The following CDH15 variants were observed in gnomAD, a reference collection of about 807,000 sequenced individuals.
CDH15 encodes the protein cadherin-15.
A neutral mutation model predicts 69.4 loss-of-function variants in CDH15; 73 were observed. That is an observed-to-expected ratio of 1.05 (90% CI 0.87 to 1.28). CDH15 has a LOEUF of 1.28. Among genes scored for constraint, CDH15 ranks in the 50% most tolerant of loss-of-function variants. CDH15 has a pLI of 0.00. For synonymous variants in CDH15, 624 were observed against 507.7 expected, an observed-to-expected ratio of 1.23 and a Z score of -3.08; for missense variants, 1,343 against 1,133.6, an observed-to-expected ratio of 1.18 and a Z score of -2.65.
At position 89,186,791 on chromosome 16, in the gene CDH15, A is replaced by G. The variant is rs569272483; in HGVS notation, c.664-638A>G. Among the ~76,000 whole-genome samples, 8 of 146,032 alleles carry G rather than the reference A, an allele frequency of 5.5e-5. 1 individual carries two copies. The highest frequency in any genetic ancestry group is 2.1e-4 in the African/African-American group (8 of 38,834). On this transcript the variant is annotated intron_variant, in intron 5 of 13. Transcript: ENST00000289746. ...ACCCAGAGCACAGTAGGTGCTCTGT[A>G]AACGCTTACCCAGCGCACAGAAGGT...
At position 89,192,201 on chromosome 16, in the gene CDH15, G is replaced by T. The variant is rs1348864075; in HGVS notation, c.1616-4G>T. 2.6e-6 allele frequency: 4 copies of T among 1,528,926 alleles called. No homozygotes were observed. The African/African-American group carries it at 5.5e-5, about 21-fold the overall frequency. The allele number at this position is 1,528,926 out of a possible 1,614,324, so 94.7% of individuals were successfully genotyped here. ...CCCTCGCTCACCACAGGCGCCCTCC[G>T]CAGTGAGCCACGCGCGCCTGCGGCC... On this transcript the variant is annotated splice_polypyrimidine_tract_variant and splice_region_variant and intron_variant, in intron 10 of 13. Transcript: ENST00000289746.
At chr16:89,181,630 C>G (rs1419178523) in intron 3 of CDH15, among the ~76,000 whole-genome samples, 1 of 151,250 alleles carries the variant, frequency 6.6e-6, no homozygotes, top group African/African-American at 2.4e-5. Flanking sequence ...GAGGAAGACC[C>G]TCTCTCAAAA....
At chr16:89,189,374 G>GCT (rs1915588265) in intron 7 of CDH15, among the ~76,000 whole-genome samples, 1 of 138,548 alleles carries the variant, frequency 7.2e-6, no homozygotes, top group Non-Finnish European at 1.6e-5. Context: ...CACAGATGCT[G>GCT]GCGCACACAG....
At chr16:89,181,193 A>G (rs950609729) in intron 3 of CDH15, among the ~76,000 whole-genome samples, 2 of 152,086 alleles carry the variant, frequency 1.3e-5, no homozygotes, top group Non-Finnish European at 2.9e-5. Flanking sequence ...AAGTGCTAGG[A>G]TTACAGGCGT....
At chr16:89,176,500 C>T (rs1405204319) in intron 1 of CDH15, among the ~76,000 whole-genome samples, 1 of 152,208 alleles carries the variant, frequency 6.6e-6, no homozygotes, top group Non-Finnish European at 1.5e-5. Context: ...GGTGAGGCCT[C>T]CCACGCAGGG....
chr16:89,175,776 G>T (rs1372347010), intron 1 of CDH15, among the ~76,000 whole-genome samples: 1 of 152,202 alleles, frequency 6.6e-6, no homozygotes, highest in East Asian at 1.9e-4. Flanking sequence ...CCCCGGCAGG[G>T]TCCCCTGCCT....
rs746915420 is a variant in CDH15, at chr16:89,190,505, C to A, written c.1232+9C>A. The A allele has an allele frequency of 1.3e-6, 2 of 1,583,518 alleles. No individual in the cohort carries two copies. The highest frequency in any genetic ancestry group is 1.1e-5 in the South Asian group (1 of 87,016). On this transcript the variant is annotated intron_variant, in intron 8 of 13. Coordinates refer to ENST00000289746, the MANE Select transcript of CDH15 (RefSeq NM_004933.3). Reference sequence around the variant, plus strand: ...CAGCTGCAGAGGCTCAGGTGGGGCTCCTGAGGCCCTGGGAGAGGTAGAGGA... The same window carrying A: ...CAGCTGCAGAGGCTCAGGTGGGGCTACTGAGGCCCTGGGAGAGGTAGAGGA...
intron 3 of CDH15, 93 bp downstream of exon 3, chr16:89,180,448 G>A (rs569104731): frequency 7.3e-5 from 103 of 1,414,680 alleles, no homozygotes; most frequent in African/African-American, 4.8e-4. Context: ...CTCCCCGCTC[G>A]GTGGGCTTCA....
chr16:89,178,870 C>A (rs990317860), intron 1 of CDH15, among the ~76,000 whole-genome samples: 3 of 152,230 alleles, frequency 2.0e-5, no homozygotes, highest in Non-Finnish European at 4.4e-5. Flanking sequence ...CCGGACCCTC[C>A]ACAGCCAGCC....
chr16:89,176,254 G>A (rs1419461932), intron 1 of CDH15, among the ~76,000 whole-genome samples: 1 of 152,234 alleles, frequency 6.6e-6, no homozygotes, highest in Non-Finnish European at 1.5e-5. Flanking sequence ...CTGAAGTCTC[G>A]GCAAAGCCAG....
At chr16:89,193,991 C>A in intron 13 of CDH15, 78 bp downstream of exon 13, 1 of 1,495,166 alleles carries the variant, frequency 6.7e-7, no homozygotes, top group Non-Finnish European at 9.2e-7. Context: ...CACACCTGCA[C>A]ATGCATGCAA....
At chr16:89,176,827 C>A (rs968501368) in intron 1 of CDH15, among the ~76,000 whole-genome samples, 5 of 149,758 alleles carry the variant, frequency 3.3e-5, no homozygotes, top group African/African-American at 1.2e-4. Context: ...ATGTTTGGGG[C>A]CTGCTCTGCT....
At chr16:89,179,623 C>T in intron 2 of CDH15, 49 bp downstream of exon 2, 1 of 1,502,298 alleles carries the variant, frequency 6.7e-7, no homozygotes. Context: ...GGCTGGTCCC[C>T]AGTGGGCCTC....
In CDH15 at chr16:89,193,757, C is replaced by T. The variant is rs746050214; in HGVS notation, c.1995C>T (p.Asp665=). The stretch of plus-strand genomic sequence containing the variant: ...CTGTTCCACCTCCTCGCCCACAGGA[C>T]GCCTACGACATCAGCCAGCTGCGTC... ...DEQGGGEEDQ[D]AYDISQLRHP... Residue 665 remains aspartate, a splice_region_variant and synonymous_variant, in exon 13 of 14, where the codon GAC becomes GAT. Coordinates refer to ENST00000289746, the MANE Select transcript of CDH15 (RefSeq NM_004933.3). 2.1e-5 allele frequency: 34 copies of T among 1,603,104 alleles called. No individual in the cohort carries two copies. Among genetic ancestry groups the T allele is most frequent in the Non-Finnish European group, 2.9e-5 (34 of 1,178,576 alleles).
intron 1 of CDH15, among the ~76,000 whole-genome samples, chr16:89,177,523 C>A (rs1915284111): frequency 1.3e-5 from 2 of 152,214 alleles, no homozygotes; most frequent in East Asian, 1.9e-4. Flanking sequence ...CTGGCGACCC[C>A]CAGGACTAGG....
At chr16:89,176,432 T>C (rs1915257602) in intron 1 of CDH15, among the ~76,000 whole-genome samples, 1 of 152,082 alleles carries the variant, frequency 6.6e-6, no homozygotes. Flanking sequence ...TTCTCGGTGC[T>C]CCATTTCATG....
In CDH15 at chr16:89,190,424, G is replaced by A. The variant is rs745707106; in HGVS notation, c.1160G>A (p.Gly387Glu). The change falls in exon 8 of 14, where the codon GGG (glycine) becomes GAG (glutamate). Residue 387 changes from glycine (G) to glutamate (E), a missense_variant. Physicochemically the swap from Gly to Glu is moderately conservative, Grantham distance 98. Transcript: ENST00000289746. Reference protein sequence around the residue: ...ENPLRTSLAEGAPPGTLVATF... With the variant: ...ENPLRTSLAEEAPPGTLVATF... Reference sequence around the variant, plus strand: ...CCACTTCGGACCAGCCTAGCAGAGGGGGCACCCCCAGGCACTCTGGTGGCC... The same window carrying A: ...CCACTTCGGACCAGCCTAGCAGAGGAGGCACCCCCAGGCACTCTGGTGGCC... The A allele has an allele frequency of 6.2e-7, 1 of 1,611,090 alleles. No homozygotes were observed. The highest frequency in any genetic ancestry group is 8.5e-7 in the Non-Finnish European group (1 of 1,179,372).
intron 13 of CDH15, among the ~76,000 whole-genome samples, chr16:89,194,177 C>T (rs1413627727): frequency 6.6e-6 from 1 of 152,230 alleles, no homozygotes; most frequent in Non-Finnish European, 1.5e-5. Context: ...ATCCACTGCC[C>T]CGTGTCCACC....
intron 5 of CDH15, among the ~76,000 whole-genome samples, chr16:89,186,828 G>C (rs1399259940): frequency 2.1e-5 from 3 of 142,530 alleles, no homozygotes; most frequent in Non-Finnish European, 4.6e-5. Context: ...CTCTGTAAAC[G>C]CTTACCCAGC....
Sources: allele counts gnomAD v4.1 joint callset (sites outside exome capture counted in the v4.1 genomes callset), GRCh38; gene constraint gnomAD v4.1.1; transcripts MANE v1.5; gene names NCBI Gene and HGNC (gene_info 2026-07-23, HGNC 2026-07-21).